The following LPAR1 variants were observed in gnomAD, a reference collection of about 807,000 sequenced individuals.
LPAR1 encodes the protein lysophosphatidic acid receptor 1.
In LPAR1, 5 loss-of-function variants were observed where a neutral mutation model predicts 23.8. The ratio of observed to expected loss-of-function variants is 0.21; its 90% CI spans 0.11 to 0.44. The LOEUF (loss-of-function observed/expected upper bound fraction) is 0.44. LPAR1 is among the 20% of genes least tolerant of loss of function. The pLI, the probability that LPAR1 is intolerant of heterozygous loss-of-function variation, is 0.99. For missense variants in LPAR1, 311 were observed against 482.8 expected, an observed-to-expected ratio of 0.64 and a Z score of 3.33; for synonymous variants, 160 against 164.7, an observed-to-expected ratio of 0.97 and a Z score of 0.22.
At chr9:110,886,448 C>T (rs994200185) in intron 5 of LPAR1, among the ~76,000 whole-genome samples, 2 of 150,554 alleles carry the variant, frequency 1.3e-5, no homozygotes, top group Non-Finnish European at 3.0e-5. Flanking sequence ...AATGCTACTC[C>T]AAGGCCTACA....
chr9:111,012,850 A>T, intron 2 of LPAR1, among the ~76,000 whole-genome samples: 1 of 152,136 alleles, frequency 6.6e-6, no homozygotes, highest in Non-Finnish European at 1.5e-5. Flanking sequence ...GAAGGAAGGA[A>T]AATTTCGTTT....
intron 2 of LPAR1, among the ~76,000 whole-genome samples, chr9:111,002,905 G>A (rs1172905221): frequency 2.6e-5 from 4 of 152,162 alleles, no homozygotes; most frequent in Non-Finnish European, 4.4e-5. Context: ...CTGTGGGCCT[G>A]AGGCAGGAGA....
intron 5 of LPAR1, among the ~76,000 whole-genome samples, chr9:110,915,182 T>C (rs7025218): frequency 0.083 from 12,601 of 152,250 alleles, 1,763 homozygotes; most frequent in African/African-American, 0.28. Context: ...AAAACAGTAA[T>C]ATTTATTGCT....
rs146154679 is a variant in LPAR1, at chr9:111,028,079, G to A, written c.-182+8043C>T. On this transcript the variant is annotated intron_variant, in intron 2 of 5. Coordinates refer to ENST00000683809, the MANE Select transcript of LPAR1 (RefSeq NM_001351411.2). ...AAAGGAGAATGCTGTTAAATATTCC[G>A]TAAAAGCAAATATTTTTAAAACTGC... Among the ~76,000 whole-genome samples the A allele has an allele frequency of 1.2e-4, 18 of 151,450 alleles. No homozygotes were observed. In the East Asian group the frequency reaches 1.9e-3, roughly 16 times the overall value.
At chr9:110,910,767 G>A (rs1175628107) in intron 5 of LPAR1, among the ~76,000 whole-genome samples, 1 of 152,172 alleles carries the variant, frequency 6.6e-6, no homozygotes, top group Non-Finnish European at 1.5e-5. Context: ...ACTTTGAAGG[G>A]TTCAAGACTT....
chr9:110,966,474 A>G (rs975778220), intron 4 of LPAR1, among the ~76,000 whole-genome samples: 4 of 149,116 alleles, frequency 2.7e-5, no homozygotes, highest in Non-Finnish European at 6.0e-5. Context: ...GTGAGACTCC[A>G]TCTCAAGAAA....
intron 4 of LPAR1, among the ~76,000 whole-genome samples, chr9:110,944,919 A>C (rs1292920819): frequency 6.6e-6 from 1 of 152,232 alleles, no homozygotes; most frequent in Non-Finnish European, 1.5e-5. Flanking sequence ...TTAAAATCCT[A>C]TACTAAGAGG....
At chr9:110,895,891 G>A (rs2086168378) in intron 5 of LPAR1, among the ~76,000 whole-genome samples, 1 of 152,210 alleles carries the variant, frequency 6.6e-6, no homozygotes, top group Non-Finnish European at 1.5e-5. Flanking sequence ...CCCACGTGAA[G>A]AATGGAAAGA....
Position 110,890,108 on chromosome 9 carries a change from G to A in LPAR1, c.794-14386C>T, listed in dbSNP as rs557860514. Among the ~76,000 whole-genome samples, 16 of 152,180 alleles carry A rather than the reference G, an allele frequency of 1.1e-4. No individual in the cohort carries two copies. In the South Asian group the frequency reaches 3.3e-3, roughly 32 times the overall value. ...CAACAAAATAAAAACAGATTACGAAGAAGAGATAACCATAGATGATGAAGT... is the reference window on the plus strand; with the variant it reads ...CAACAAAATAAAAACAGATTACGAAAAAGAGATAACCATAGATGATGAAGT... On this transcript the variant is annotated intron_variant, in intron 5 of 5. Transcript: ENST00000683809.
chr9:110,903,786 T>C (rs1189161537), intron 5 of LPAR1, among the ~76,000 whole-genome samples: 1 of 148,590 alleles, frequency 6.7e-6, no homozygotes, highest in African/African-American at 2.5e-5. Flanking sequence ...AAAATATAAA[T>C]CTACAGATTC....
At chr9:111,029,640 A>C (rs4978977) in intron 2 of LPAR1, among the ~76,000 whole-genome samples, 142,325 of 152,180 alleles carry the variant, frequency 0.94, 66,610 homozygotes, top group East Asian at 1. Flanking sequence ...TTTGTTTGAA[A>C]CTTGGTTTAC....
intron 4 of LPAR1, among the ~76,000 whole-genome samples, chr9:110,958,637 A>C (rs2095841891): frequency 6.6e-6 from 1 of 152,138 alleles, no homozygotes. Flanking sequence ...ATTGGGAAAC[A>C]CTTCGGGGCA....
intron 3 of LPAR1, 110 bp from the exon 4 acceptor site, chr9:110,972,330 T>C (rs2277179): frequency 0.13 from 68,498 of 545,056 alleles, 4,698 homozygotes; most frequent in Middle Eastern, 0.15. Context: ...TGTCAAATAC[T>C]AGCTTAATGC....
chr9:110,921,112 T>C (rs954037721), intron 5 of LPAR1, among the ~76,000 whole-genome samples: 1 of 151,988 alleles, frequency 6.6e-6, no homozygotes, highest in Non-Finnish European at 1.5e-5. Flanking sequence ...CCAGCCTGTG[T>C]GACAGAGCAA....
intron 2 of LPAR1, among the ~76,000 whole-genome samples, chr9:111,017,546 T>C (rs2097478663): frequency 1.3e-5 from 2 of 152,228 alleles, no homozygotes. Flanking sequence ...AAATTGAGCT[T>C]ATGCGGGTAA....
At chr9:110,952,301 C>A (rs1369117575) in intron 4 of LPAR1, among the ~76,000 whole-genome samples, 1 of 152,122 alleles carries the variant, frequency 6.6e-6, no homozygotes, top group Non-Finnish European at 1.5e-5. Context: ...GCCCCTCAAC[C>A]CAAAAGGGCC....
intron 2 of LPAR1, among the ~76,000 whole-genome samples, chr9:111,027,448 C>T (rs974212127): frequency 6.6e-6 from 1 of 152,158 alleles, no homozygotes; most frequent in Non-Finnish European, 1.5e-5. Context: ...CCACAGTGAG[C>T]TATGACTGAG....
At chr9:110,940,715 A>G (rs776124414) in intron 5 of LPAR1, among the ~76,000 whole-genome samples, 1 of 152,226 alleles carries the variant, frequency 6.6e-6, no homozygotes, top group Non-Finnish European at 1.5e-5. Flanking sequence ...TACCTTCTAC[A>G]CACATAAGTG....
At chr9:111,019,414 A>G (rs901737369) in intron 2 of LPAR1, among the ~76,000 whole-genome samples, 3 of 152,194 alleles carry the variant, frequency 2.0e-5, no homozygotes, top group African/African-American at 7.2e-5. Context: ...TCACTGGAAC[A>G]TTTTTACTCA....
Sources: gnomAD v4.1 joint callset for allele counts (sites outside exome capture counted in the v4.1 genomes callset) on GRCh38, gnomAD v4.1.1 for gene constraint, MANE v1.5 for transcripts, NCBI Gene and HGNC (gene_info 2026-07-23, HGNC 2026-07-21) for gene names.